Variants in SGCZ observed in about 807,000 individuals in gnomAD.
SGCZ encodes sarcoglycan zeta, also known as zeta-sarcoglycan.
SGCZ carries 40 observed loss-of-function variants against 41.3 expected under a neutral mutation model. The ratio of observed to expected loss-of-function variants is 0.97; its 90% CI spans 0.75 to 1.26. The LOEUF (loss-of-function observed/expected upper bound fraction) is 1.26, where lower values mean the gene tolerates loss of function less well. SGCZ is among the 50% of genes most tolerant of loss of function. SGCZ has a pLI of 0.00. For synonymous variants in SGCZ, 206 were observed against 137.5 expected (o/e 1.50, Z -3.49); for missense variants, 552 against 369.8 (o/e 1.49, Z -4.04).
chr8:15,159,569 T>C (rs1799439845), intron 1 of SGCZ, among the ~76,000 whole-genome samples: 1 of 152,158 alleles, frequency 6.6e-6, no homozygotes, highest in Non-Finnish European at 1.5e-5. Flanking sequence ...GCAGCTTGTG[T>C]CCACTGCAGA....
chr8:14,872,817 T>C (rs1804209836), intron 1 of SGCZ, among the ~76,000 whole-genome samples: 1 of 152,156 alleles, frequency 6.6e-6, no homozygotes, highest in African/African-American at 2.4e-5. Context: ...TCTTTTTATC[T>C]ACCCCACTTC....
chr8:14,131,903 T>C (rs2117059336), intron 5 of SGCZ, among the ~76,000 whole-genome samples: 1 of 152,262 alleles, frequency 6.6e-6, no homozygotes, highest in Admixed American at 6.5e-5. Context: ...AGTAGGTTAT[T>C]TTATATAGTC....
At chr8:14,887,053 A>G (rs1424489971) in intron 1 of SGCZ, among the ~76,000 whole-genome samples, 1 of 152,116 alleles carries the variant, frequency 6.6e-6, no homozygotes, top group African/African-American at 2.4e-5. Context: ...GAGATGGGGC[A>G]GATTGCAAGA....
chr8:14,691,128 A>G (rs1417537484), intron 1 of SGCZ, among the ~76,000 whole-genome samples: 1 of 152,208 alleles, frequency 6.6e-6, no homozygotes, highest in Non-Finnish European at 1.5e-5. Flanking sequence ...CCACTTAAAC[A>G]AATTCCTACA....
chr8:15,168,604 G>A (rs1448150323), intron 1 of SGCZ, among the ~76,000 whole-genome samples: 2 of 151,942 alleles, frequency 1.3e-5, no homozygotes, highest in Non-Finnish European at 2.9e-5. Context: ...ACTTACCCCC[G>A]GTATCTGCTA....
chr8:15,023,123 AC>A (rs1395865621), intron 1 of SGCZ, among the ~76,000 whole-genome samples: 14 of 152,088 alleles, frequency 9.2e-5, no homozygotes, highest in Non-Finnish European at 2.1e-4. Flanking sequence ...ATCTGTTTCT[AC>A]TCTATGAGCT....
chr8:15,169,428 A>C (rs749006388), intron 1 of SGCZ, among the ~76,000 whole-genome samples: 6 of 152,182 alleles, frequency 3.9e-5, no homozygotes, highest in Non-Finnish European at 8.8e-5. Context: ...CAGGGACTCC[A>C]GTCAAACGAG....
intron 2 of SGCZ, among the ~76,000 whole-genome samples, chr8:14,500,465 G>C (rs559021292): frequency 2.0e-5 from 3 of 151,182 alleles, no homozygotes; most frequent in African/African-American, 7.3e-5. Context: ...CTATTCATTA[G>C]AGAATGCCTA....
At chr8:14,433,049 CAACA>C (rs1404372289) in intron 2 of SGCZ, among the ~76,000 whole-genome samples, 1 of 145,444 alleles carries the variant, frequency 6.9e-6, no homozygotes, top group African/African-American at 2.6e-5. Context: ...GAAAAGCAAA[CAACA>C]AACAAAAAAT....
chr8:14,310,959 G>C (rs937631304), intron 3 of SGCZ, among the ~76,000 whole-genome samples: 1 of 152,048 alleles, frequency 6.6e-6, no homozygotes, highest in Admixed American at 6.6e-5. Context: ...GGAAAATCTT[G>C]GAACACACTT....
chr8:14,650,701 A>G (rs1807369063), intron 1 of SGCZ, among the ~76,000 whole-genome samples: 1 of 152,076 alleles, frequency 6.6e-6, no homozygotes, highest in Non-Finnish European at 1.5e-5. Flanking sequence ...AGCCTGAAAT[A>G]TTGCCAGGTG....
At chr8:14,167,581 G>C (rs1804247558) in intron 4 of SGCZ, among the ~76,000 whole-genome samples, 1 of 151,808 alleles carries the variant, frequency 6.6e-6, no homozygotes, top group Non-Finnish European at 1.5e-5. Context: ...ATAGAAGAAG[G>C]AAAGAGAATT....
At chr8:14,761,405 C>T (rs1799867505) in intron 1 of SGCZ, among the ~76,000 whole-genome samples, 1 of 151,848 alleles carries the variant, frequency 6.6e-6, no homozygotes, top group Non-Finnish European at 1.5e-5. Flanking sequence ...GAAAACAAAA[C>T]AATGGAAAAC....
intron 1 of SGCZ, among the ~76,000 whole-genome samples, chr8:15,216,633 T>C (rs1227015247): frequency 6.6e-6 from 1 of 152,184 alleles, no homozygotes; most frequent in East Asian, 1.9e-4. Context: ...TCCTTATTGC[T>C]ATGAACTCAC....
chr8:15,022,582 T>C (rs1032864540), intron 1 of SGCZ, among the ~76,000 whole-genome samples: 3 of 152,150 alleles, frequency 2.0e-5, no homozygotes, highest in African/African-American at 7.2e-5. Flanking sequence ...GACCTCATGA[T>C]GCACCCGCCT....
chr8:14,534,270 C>T (rs1803226935), intron 2 of SGCZ, among the ~76,000 whole-genome samples: 1 of 151,864 alleles, frequency 6.6e-6, no homozygotes, highest in African/African-American at 2.4e-5. Flanking sequence ...GGTGCAGAAA[C>T]AGAAGAAGGG....
intron 2 of SGCZ, among the ~76,000 whole-genome samples, chr8:14,432,290 G>A (rs1007289633): frequency 3.3e-5 from 5 of 152,094 alleles, no homozygotes; most frequent in Non-Finnish European, 7.4e-5. Flanking sequence ...AATGCCCATC[G>A]ATCAACAAAT....
chr8:14,265,923 C>T (rs771302004), intron 3 of SGCZ, among the ~76,000 whole-genome samples: 63 of 151,572 alleles, frequency 4.2e-4, no homozygotes, highest in African/African-American at 1.0e-3. Context: ...GATTTGAAAA[C>T]ACACAGTCAG....
At chr8:14,870,727 C>CA (rs369022083) in intron 1 of SGCZ, among the ~76,000 whole-genome samples, 331 of 136,564 alleles carry the variant, frequency 2.4e-3, no homozygotes, top group Middle Eastern at 7.3e-3. Flanking sequence ...AACAAGTTTA[C>CA]AAAAAAAAAA....
Sources: gnomAD v4.1 joint callset for allele counts (sites outside exome capture counted in the v4.1 genomes callset) on GRCh38, gnomAD v4.1.1 for gene constraint, MANE v1.5 for transcripts, NCBI Gene and HGNC (gene_info 2026-07-23, HGNC 2026-07-21) for gene names.